Variants in PIK3C2G observed in about 807,000 individuals in gnomAD.
PIK3C2G encodes the protein phosphatidylinositol-4-phosphate 3-kinase catalytic subunit type 2 gamma.
Under a neutral mutation model 181.1 loss-of-function variants are expected in PIK3C2G, and 168 were observed. The observed-to-expected ratio is 0.93, with a 90% CI of 0.82 to 1.05. PIK3C2G has a LOEUF of 1.05. Ranked by LOEUF, PIK3C2G falls within the 50% of genes least tolerant of loss-of-function variation. PIK3C2G has a pLI of 0.00. For synonymous variants in PIK3C2G, 573 were observed against 592.2 expected, an observed-to-expected ratio of 0.97 and a Z score of 0.47; for missense variants, 1,869 against 1,732.8, an observed-to-expected ratio of 1.08 and a Z score of -1.40.
the PIK3C2G span, among the ~76,000 whole-genome samples, chr12:18,689,087 C>T: frequency 6.6e-6 from 1 of 152,040 alleles, no homozygotes; most frequent in Admixed American, 6.6e-5. Context: ...TATGACTATG[C>T]AACTGTTTAG....
At chr12:18,478,664 T>C (rs886657865) in intron 18 of PIK3C2G, among the ~76,000 whole-genome samples, 1 of 152,136 alleles carries the variant, frequency 6.6e-6, no homozygotes, top group African/African-American at 2.4e-5. Context: ...AATATCCCTG[T>C]TTATCAATAT....
At chr12:18,597,640 C>G (rs1424442740) in intron 30 of PIK3C2G, among the ~76,000 whole-genome samples, 1 of 152,020 alleles carries the variant, frequency 6.6e-6, no homozygotes, top group Non-Finnish European at 1.5e-5. Flanking sequence ...GTTGGAAGTT[C>G]TGGCCAGGGC....
At chr12:18,365,597 AT>A (rs1345836621) in intron 12 of PIK3C2G, among the ~76,000 whole-genome samples, 3 of 152,100 alleles carry the variant, frequency 2.0e-5, no homozygotes, top group African/African-American at 4.8e-5. Flanking sequence ...CTCACTGGCC[AT>A]TTGTTCTCCA....
chr12:18,491,422 T>G, intron 19 of PIK3C2G, 29 bp from the exon 20 acceptor site: 1 of 1,159,398 alleles, frequency 8.6e-7, no homozygotes, highest in Non-Finnish European at 1.3e-6. Flanking sequence ...TACATTTTCT[T>G]AAATCCTTTT....
chr12:18,421,126 T>C, intron 17 of PIK3C2G, 92 bp downstream of exon 17: 1 of 633,182 alleles, frequency 1.6e-6, no homozygotes. Flanking sequence ...TATCTAGAAG[T>C]GACATTGCAA....
the PIK3C2G span, among the ~76,000 whole-genome samples, chr12:18,684,893 G>A: frequency 1.2e-4 from 18 of 151,820 alleles, no homozygotes; most frequent in Non-Finnish European, 2.5e-4. Flanking sequence ...GAGATCTGAT[G>A]GTTTTATAAG....
chr12:18,272,452 C>T (rs1476414794), intron 1 of PIK3C2G, among the ~76,000 whole-genome samples: 1 of 152,088 alleles, frequency 6.6e-6, no homozygotes, highest in Non-Finnish European at 1.5e-5. Flanking sequence ...ATGCTTGATG[C>T]CTAGTTTTTA....
the PIK3C2G span, among the ~76,000 whole-genome samples, chr12:18,714,498 C>T: frequency 1.3e-5 from 2 of 152,154 alleles, no homozygotes; most frequent in African/African-American, 2.4e-5. Context: ...AAAATGTGAT[C>T]TAAAACGCGA....
chr12:18,273,749 G>A (rs2137068644), intron 1 of PIK3C2G, among the ~76,000 whole-genome samples: 1 of 152,188 alleles, frequency 6.6e-6, no homozygotes, highest in Middle Eastern at 3.4e-3. Flanking sequence ...CATGGGCAAG[G>A]ACTCCATGTC....
intron 26 of PIK3C2G, among the ~76,000 whole-genome samples, chr12:18,559,653 T>C (rs1451964027): frequency 6.6e-6 from 1 of 151,004 alleles, no homozygotes; most frequent in Non-Finnish European, 1.5e-5. Context: ...GAAGAGAAAC[T>C]GTTGGACATA....
chr12:18,549,688 C>T (rs1340141794), intron 26 of PIK3C2G, among the ~76,000 whole-genome samples: 3 of 152,012 alleles, frequency 2.0e-5, no homozygotes, highest in East Asian at 3.9e-4. Flanking sequence ...ATATATTCTC[C>T]AGCCTTTCTC....
chr12:18,655,217 C>T, the PIK3C2G span, among the ~76,000 whole-genome samples: 1 of 152,124 alleles, frequency 6.6e-6, no homozygotes, highest in East Asian at 1.9e-4. Flanking sequence ...GTATCAGAAA[C>T]ATCAACTGCA....
upstream of PIK3C2G, among the ~76,000 whole-genome samples, chr12:18,246,159 A>G (rs547477994): frequency 6.6e-6 from 1 of 152,238 alleles, no homozygotes; most frequent in East Asian, 1.9e-4. Context: ...TCAAACCACA[A>G]TGGGCAAAAC....
At chr12:18,419,498 G>A in intron 16 of PIK3C2G, among the ~76,000 whole-genome samples, 1 of 152,158 alleles carries the variant, frequency 6.6e-6, no homozygotes, top group African/African-American at 2.4e-5. Flanking sequence ...AGAATCTAAA[G>A]TCTTAATGTA....
intron 18 of PIK3C2G, 56 bp downstream of exon 18, chr12:18,424,095 G>C (rs1023383254): frequency 1.0e-6 from 1 of 1,002,156 alleles, no homozygotes. Flanking sequence ...TTCTCTATGG[G>C]GCAGCTTTAG....
intron 21 of PIK3C2G, among the ~76,000 whole-genome samples, chr12:18,497,369 G>A (rs1342653156): frequency 2.0e-5 from 3 of 152,122 alleles, no homozygotes; most frequent in Non-Finnish European, 4.4e-5. Context: ...TTATTATCAA[G>A]GAACAACATT....
intron 29 of PIK3C2G, among the ~76,000 whole-genome samples, chr12:18,580,866 T>G (rs1220319841): frequency 6.6e-6 from 1 of 152,224 alleles, no homozygotes; most frequent in Non-Finnish European, 1.5e-5. Flanking sequence ...AGAGACAGAT[T>G]TAGCTTATTG....
intron 32 of PIK3C2G, among the ~76,000 whole-genome samples, chr12:18,641,743 C>CTGTTTTTTTTTT (rs1949850470): frequency 1.1e-5 from 1 of 93,164 alleles, no homozygotes. Flanking sequence ...CTCTCTCAAG[C>CTGTTTTTTTTTT]TTTTTTTTTT....
chr12:18,524,497 T>G (rs1402535987), intron 24 of PIK3C2G, among the ~76,000 whole-genome samples: 2 of 152,140 alleles, frequency 1.3e-5, no homozygotes, highest in African/African-American at 2.4e-5. Flanking sequence ...TGTGTTATTT[T>G]AATCCTGTAT....
Sources: allele counts gnomAD v4.1 joint callset (sites outside exome capture counted in the v4.1 genomes callset), GRCh38; gene constraint gnomAD v4.1.1; transcripts MANE v1.5; gene names NCBI Gene and HGNC (gene_info 2026-07-23, HGNC 2026-07-21).